Variants in SHLD2 observed in about 807,000 individuals in gnomAD.
SHLD2 encodes RINN1-REV7-interacting novel NHEJ regulator 2.
A neutral mutation model predicts 73.2 loss-of-function variants in SHLD2; 30 were observed. That is an observed-to-expected ratio of 0.41 (90% CI 0.31 to 0.56). The LOEUF (loss-of-function observed/expected upper bound fraction) is 0.56. SHLD2 is among the 20% of genes least tolerant of loss of function. SHLD2 has a pLI of 0.28. For missense variants in SHLD2, 745 were observed against 1,055.9 expected (o/e 0.71, Z 4.08); for synonymous variants, 285 against 370.1 (o/e 0.77, Z 2.64).
At chr10:87,168,898 T>C (rs1847392793) in intron 4 of SHLD2, among the ~76,000 whole-genome samples, 1 of 151,902 alleles carries the variant, frequency 6.6e-6, no homozygotes, top group African/African-American at 2.4e-5. Context: ...GACCTGCACA[T>C]GTACACCCGA....
At chr10:87,115,537 A>G (rs1243470860) in intron 2 of SHLD2, 4 of 151,852 alleles carry the variant, frequency 2.6e-5, no homozygotes, top group Non-Finnish European at 5.9e-5. Context: ...TAACATCATG[A>G]GGTAGTGGTG....
chr10:87,104,821 C>T (rs10887692), intron 2 of SHLD2, among the ~76,000 whole-genome samples: 40,795 of 151,512 alleles, frequency 0.27, 5,722 homozygotes, highest in Middle Eastern at 0.35. Context: ...CCACCACGCC[C>T]GCCTAATTTT....
intron 3 of SHLD2, 84 bp from the exon 4 acceptor site, chr10:87,157,964 T>A (rs1846549684): frequency 1.8e-6 from 2 of 1,132,912 alleles, no homozygotes; most frequent in Admixed American, 4.2e-5. Flanking sequence ...ATGGGAGGCA[T>A]GCATAGTATT....
At chr10:87,106,732 A>G (rs970207780) in intron 2 of SHLD2, among the ~76,000 whole-genome samples, 2 of 152,208 alleles carry the variant, frequency 1.3e-5, no homozygotes, top group Non-Finnish European at 2.9e-5. Flanking sequence ...AGACTTTTAG[A>G]TGAAGTTGCC....
chr10:87,123,388 A>T (rs1214497152), intron 2 of SHLD2, among the ~76,000 whole-genome samples: 2 of 150,450 alleles, frequency 1.3e-5, no homozygotes, highest in East Asian at 2.0e-4. Flanking sequence ...TGCAACCTTC[A>T]CCTCCCAGGT....
At chr10:87,128,197 G>C (rs1844175694) in intron 2 of SHLD2, among the ~76,000 whole-genome samples, 1 of 151,986 alleles carries the variant, frequency 6.6e-6, no homozygotes, top group African/African-American at 2.4e-5. Flanking sequence ...CAACTCATAG[G>C]TATTTGGAAT....
upstream of SHLD2, chr10:87,095,108 G>A (rs973121849): frequency 7.0e-6 from 1 of 143,492 alleles, no homozygotes; most frequent in Non-Finnish European, 1.5e-5. Context: ...GAGGGGAGAG[G>A]AAGGGCGGGG....
chr10:87,175,482 A>C (rs996888386), intron 6 of SHLD2, among the ~76,000 whole-genome samples: 1 of 151,684 alleles, frequency 6.6e-6, no homozygotes, highest in Non-Finnish European at 1.5e-5. Flanking sequence ...TCAGGAGTTC[A>C]AGACCAGCCT....
chr10:87,164,132 A>G (rs1479285895), intron 4 of SHLD2, among the ~76,000 whole-genome samples: 2 of 151,490 alleles, frequency 1.3e-5, no homozygotes, highest in Non-Finnish European at 2.9e-5. Flanking sequence ...TAATTTTTGT[A>G]TTTTTAGTAG....
chr10:87,101,668 G>A (rs1018474953), intron 2 of SHLD2, among the ~76,000 whole-genome samples: 7 of 152,206 alleles, frequency 4.6e-5, no homozygotes, highest in African/African-American at 1.7e-4. Flanking sequence ...TAGCACTTGG[G>A]GAGGCTGAGG....
chr10:87,168,131 A>G (rs901348748), intron 4 of SHLD2, among the ~76,000 whole-genome samples: 2 of 152,132 alleles, frequency 1.3e-5, no homozygotes, highest in Non-Finnish European at 2.9e-5. Context: ...TACTAGGTAT[A>G]TATCCAAAAG....
chr10:87,110,989 G>A (rs192427303), intron 2 of SHLD2, among the ~76,000 whole-genome samples: 6,236 of 151,294 alleles, frequency 0.041, 208 homozygotes, highest in Admixed American at 0.077. Flanking sequence ...GACTACAGGC[G>A]CGCACCACCA....
chr10:87,120,493 C>T lies in SHLD2; in HGVS notation c.-6+23504C>T, dbSNP rs181396526. Among the ~76,000 whole-genome samples the T allele has an allele frequency of 9.3e-3, 1,411 of 151,840 alleles. 26 individuals are homozygous for T. Among genetic ancestry groups the T allele is most frequent in the African/African-American group, 0.032 (1,326 of 41,430 alleles). Reference sequence around the variant, plus strand: ...CGATCTCCTGACCTCGTGATCTGCCCGCCTCGGCCTCCCAAAGTGCTGGGA... The same window carrying T: ...CGATCTCCTGACCTCGTGATCTGCCTGCCTCGGCCTCCCAAAGTGCTGGGA... On this transcript the variant is annotated intron_variant, in intron 2 of 9. Transcript: ENST00000298786.
At chr10:87,172,698 G>A (rs1198678360) in intron 6 of SHLD2, among the ~76,000 whole-genome samples, 1 of 151,470 alleles carries the variant, frequency 6.6e-6, no homozygotes, top group African/African-American at 2.4e-5. Flanking sequence ...AAAACTTCAC[G>A]TATAGAAAAT....
chr10:87,157,981 T>C lies in SHLD2; in HGVS notation c.1526-67T>C. 4 of 1,394,658 alleles carry C rather than the reference T, an allele frequency of 2.9e-6. No homozygotes were observed. The Middle Eastern group carries it at 1.0e-3, about 349-fold the overall frequency. The allele number at this position is 1,394,658 out of a possible 1,614,324, so 86.4% of individuals were successfully genotyped here. Reference sequence around the variant, plus strand: ...GGGAGGCATGCATAGTATTTTGTTGTGACTAGTAGGTTAACCACATTGTGA... The same window carrying C: ...GGGAGGCATGCATAGTATTTTGTTGCGACTAGTAGGTTAACCACATTGTGA... On this transcript the variant is annotated intron_variant, in intron 3 of 9. Transcript: ENST00000298786.
chr10:87,151,772 A>G lies in SHLD2; in HGVS notation c.418A>G (p.Lys140Glu). 1 of 1,612,010 alleles carries G rather than the reference A, an allele frequency of 6.2e-7. No individual in the cohort carries two copies. Among genetic ancestry groups the G allele is most frequent in the Non-Finnish European group, 8.5e-7 (1 of 1,179,856 alleles). Residue 140 changes from lysine to glutamate, a missense_variant, in exon 3 of 10, where the codon AAG becomes GAG. Transcript: ENST00000298786. ...PHFTEEEKYQ[K>E]LLSENKIRDE... is the part of the protein sequence containing the mutation. ...TTTCACCGAAGAAGAAAAGTATCAA[A>G]AGCTTCTCAGTGAAAATAAAATTAG...
intron 2 of SHLD2, among the ~76,000 whole-genome samples, chr10:87,130,981 C>T (rs1344382958): frequency 6.6e-6 from 1 of 151,940 alleles, no homozygotes; most frequent in African/African-American, 2.4e-5. Context: ...GTGGGAGGAT[C>T]GCGTGAGCCT....
rs888448717 is a variant in SHLD2, at chr10:87,176,071, A to G, written c.2146A>G (p.Thr716Ala). The G allele has an allele frequency of 1.1e-5, 17 of 1,548,360 alleles. No individual in the cohort carries two copies. The highest frequency in any genetic ancestry group is 1.5e-5 in the Non-Finnish European group (17 of 1,146,802). The change falls in exon 7 of 10, where the codon ACC becomes GCC. Residue 716 changes from threonine (T) to alanine (A), a missense_variant. Thr to Ala is a moderately conservative substitution (Grantham distance 58). This residue lies in a region of SHLD2 where 418 missense variants were observed against 567.8 expected (regional missense o/e 0.74). Transcript: ENST00000298786. The part of the protein sequence containing the change: ...PSFVKISDLA[T>A]HLEDKCSGVV... Reference sequence around the variant, plus strand: ...CTTTGTGAAGATATCAGACTTAGCAACCCACCTAGAGGATAAGTGTTCAGG... The same window carrying G: ...CTTTGTGAAGATATCAGACTTAGCAGCCCACCTAGAGGATAAGTGTTCAGG...
At chr10:87,141,454 C>T (rs1239509193) in intron 2 of SHLD2, among the ~76,000 whole-genome samples, 5 of 150,660 alleles carry the variant, frequency 3.3e-5, no homozygotes, top group Admixed American at 3.3e-4. Context: ...TGATTCTTTT[C>T]CCTCAGCCTC....
Sources: gnomAD v4.1 joint callset for allele counts (sites outside exome capture counted in the v4.1 genomes callset) on GRCh38, gnomAD v4.1.1 for gene constraint, gnomAD v4.1.1 regional missense constraint, MANE v1.5 for transcripts, NCBI Gene and HGNC (gene_info 2026-07-23, HGNC 2026-07-21) for gene names.